Variants in STK25 observed in about 807,000 individuals in gnomAD.
The protein encoded by STK25 is serine/threonine kinase 25.
A neutral mutation model predicts 53.8 loss-of-function variants in STK25; 29 were observed. The observed-to-expected ratio is 0.54, with a 90% CI of 0.40 to 0.74. The LOEUF is 0.74. STK25 is among the 30% of genes least tolerant of loss of function. The pLI is 0.00. For missense variants in STK25, 420 were observed against 568.0 expected (o/e 0.74, Z 2.65); for synonymous variants, 247 against 238.3 (o/e 1.04, Z -0.33).
intron 7 of STK25, 22 bp downstream of exon 7, chr2:241,498,967 C>T: frequency 2.5e-6 from 4 of 1,613,282 alleles, no homozygotes; most frequent in Non-Finnish European, 3.4e-6. Flanking sequence ...CTAGAAGGGA[C>T]CGGGCCAGAG....
At chr2:241,498,445 AC>A in intron 8 of STK25, 96 bp from the exon 9 acceptor site, 1 of 1,314,360 alleles carries the variant, frequency 7.6e-7, no homozygotes, top group Non-Finnish European at 1.0e-6. Context: ...AACCCGAGGT[AC>A]CAGACGGGGC....
In STK25 at chr2:241,508,048, T is replaced by TCAGACCCTCCGCCAGCAGCCC; in HGVS notation, c.-34_-14dup. 6.2e-7 allele frequency: 1 copy of TCAGACCCTCCGCCAGCAGCCC among 1,601,744 alleles called. No individual in the cohort carries two copies. Among genetic ancestry groups the TCAGACCCTCCGCCAGCAGCCC allele is most frequent in the Non-Finnish European group, 8.5e-7 (1 of 1,175,500 alleles). On this transcript the variant is annotated 5_prime_UTR_variant, in exon 2 of 12. Transcript: ENST00000316586. ...GGAGGTGAGCCATGGCCGCGCCGCCTCAGACCCTCCGCCAGCAGCCCCAGG... is the reference window on the plus strand; with the variant it reads ...GGAGGTGAGCCATGGCCGCGCCGCCTCAGACCCTCCGCCAGCAGCCCCAGACCCTCCGCCAGCAGCCCCAGG...
intron 8 of STK25, 130 bp from the exon 9 acceptor site, chr2:241,498,479 C>T: frequency 2.4e-6 from 3 of 1,249,914 alleles, no homozygotes; most frequent in Admixed American, 2.5e-5. Context: ...CGGGGTCCAG[C>T]TGATGCCTCA....
At position 241,496,640 on chromosome 2, in the gene STK25, C is replaced by T; in HGVS notation, c.1105-106G>A. The T allele has an allele frequency of 4.6e-6, 6 of 1,304,480 alleles. No individual in the cohort carries two copies. The South Asian group carries it at 8.6e-5, about 19-fold the overall frequency. 80.8% of individuals were successfully genotyped at this position (1,304,480 alleles called of 1,614,324 possible). On this transcript the variant is annotated intron_variant, in intron 10 of 11. Transcript: ENST00000316586. This position sits in a 1 kb window ranked among gnomAD's most constrained non-coding sequence, Gnocchi z 5.8. ...TGCCGGAGGCCTTCAGGGCTCTCGC[C>T]TAGGAGCCACACCCGGGAGCCCTTC...
Position 241,496,412 on chromosome 2 carries a change from C to T in STK25, c.1227G>A (p.Val409=), listed in dbSNP as rs1298279750. 3.1e-6 allele frequency: 5 copies of T among 1,613,426 alleles called. No homozygotes were observed. The highest frequency in any genetic ancestry group is 2.7e-5 in the African/African-American group (2 of 74,876). Reference sequence around the variant, plus strand: ...GCCGCCCTCACCTCTGCACTCGCTCCACCAGGTGCACCATCAGCTTGTCTG... The same window carrying T: ...GCCGCCCTCACCTCTGCACTCGCTCTACCAGGTGCACCATCAGCTTGTCTG... The part of the protein sequence containing the change: ...GISDKLMVHL[V]ERVQRFSHNR... Residue 409 remains valine, a synonymous_variant, in exon 11 of 12, where the codon GTG becomes GTA. Transcript: ENST00000316586. This position sits in a 1 kb window ranked among gnomAD's most constrained non-coding sequence, Gnocchi z 5.8.
chr2:241,506,381 C>G (rs185956874), intron 2 of STK25, among the ~76,000 whole-genome samples: 2 of 152,252 alleles, frequency 1.3e-5, no homozygotes, highest in Non-Finnish European at 2.9e-5. Flanking sequence ...TGTGTGCGAT[C>G]GCACCAAGAA....
In STK25 at chr2:241,500,229, A is replaced by G; in HGVS notation, c.371T>C (p.Ile124Thr). ...GTGCAGATAATCCAGGCCCTTCAGA[A>G]TCTCCCGCAGGATCGTGGCAATGTA... The part of the protein sequence containing the change: ...ETYIATILRE[I>T]LKGLDYLHSE... Residue 124 changes from isoleucine (I) to threonine (T), a missense_variant, in exon 5 of 12, where the codon ATT becomes ACT. By Grantham distance (89) the Ile-to-Thr change is moderately conservative (BLOSUM62 -1). Transcript: ENST00000316586. 1 of 1,613,896 alleles carries G rather than the reference A, an allele frequency of 6.2e-7. No individual in the cohort carries two copies. The highest frequency in any genetic ancestry group is 8.5e-7 in the Non-Finnish European group (1 of 1,179,976).
At chr2:241,497,343 C>T (rs570607449) in intron 10 of STK25, 16 of 427,908 alleles carry the variant, frequency 3.7e-5, no homozygotes, top group Non-Finnish European at 6.8e-5. Context: ...TAAACCTTCT[C>T]TGCTTTCTCT....
chr2:241,497,521 C>A, intron 10 of STK25, 95 bp downstream of exon 10: 4 of 1,305,524 alleles, frequency 3.1e-6, no homozygotes, highest in Non-Finnish European at 4.4e-6. Context: ...AAGCTGAAAC[C>A]ACCCCACAGT....
At position 241,501,166 on chromosome 2, in the gene STK25, G is replaced by A. The variant is rs2065486347; in HGVS notation, c.261+312C>T. On this transcript the variant is annotated intron_variant, in intron 3 of 11. Coordinates refer to ENST00000316586, the MANE Select transcript of STK25 (RefSeq NM_001271977.2). The surrounding 1 kb of genome is among the most constrained non-coding windows in gnomAD (Gnocchi z 5.3). ...TGGCCACAGCGTTCCCTACACCCCAGACACTGGCACCACCAGCCACCTGCT... is the reference window on the plus strand; with the variant it reads ...TGGCCACAGCGTTCCCTACACCCCAAACACTGGCACCACCAGCCACCTGCT... The A allele has an allele frequency of 1.8e-6, 1 of 549,562 alleles. No homozygotes were observed. The allele number at this position is 549,562 out of a possible 1,614,324, so 34.0% of individuals were successfully genotyped here. A position where few individuals can be genotyped will look rare whatever the true frequency, so the allele number is the denominator to read the frequency against.
rs1345958558 is a variant in STK25, at chr2:241,496,216, T to C, written c.1241+182A>G. On this transcript the variant is annotated intron_variant, in intron 11 of 11. Coordinates refer to ENST00000316586, the MANE Select transcript of STK25 (RefSeq NM_001271977.2). This position sits in a 1 kb window ranked among gnomAD's most constrained non-coding sequence, Gnocchi z 5.8. ...GCCCACTCTCTCCAGCCCCAAAGTC[T>C]CCATGGCCCTGTGAGCTGGGTCCAA... 6.6e-6 allele frequency among the ~76,000 whole-genome samples: 1 copy of C among 151,090 alleles called. No homozygotes were observed. Among genetic ancestry groups the C allele is most frequent in the East Asian group, 2.0e-4 (1 of 5,040 alleles).
chr2:241,499,889 C>G (rs13418703), intron 5 of STK25: 7,324 of 531,894 alleles, frequency 0.014, 393 homozygotes, highest in African/African-American at 0.12. Context: ...AATTCTACAC[C>G]TGCTGCTGTG....
chr2:241,498,471 G>T, intron 8 of STK25, 122 bp from the exon 9 acceptor site: 1 of 1,249,104 alleles, frequency 8.0e-7, no homozygotes, highest in Non-Finnish European at 1.1e-6. Flanking sequence ...CCAGGCCACG[G>T]GGTCCAGCTG....
chr2:241,507,393 A>G (rs2065898920), intron 2 of STK25, among the ~76,000 whole-genome samples: 2 of 152,214 alleles, frequency 1.3e-5, no homozygotes, highest in Non-Finnish European at 2.9e-5. Context: ...CGACTTCTTT[A>G]AAGAAGAAAG....
chr2:241,493,208 G>C lies in STK25; in HGVS notation c.*2454C>G. The stretch of plus-strand genomic sequence containing the variant: ...CCTTGGCCCGTGGGCATTTGTACGT[G>C]CCACCGTTGTGCAGGTAGCAGAGGA... On this transcript the variant is annotated 3_prime_UTR_variant, in exon 12 of 12. Transcript: ENST00000316586. 1 of 1,476,662 alleles carries C rather than the reference G, an allele frequency of 6.8e-7. No homozygotes were observed. Among genetic ancestry groups the C allele is most frequent in the Non-Finnish European group, 9.4e-7 (1 of 1,066,080 alleles). The allele number at this position is 1,476,662 out of a possible 1,614,324, so 91.5% of individuals were successfully genotyped here. A position where few individuals can be genotyped will look rare whatever the true frequency, so the allele number is the denominator to read the frequency against.
Position 241,497,617 on chromosome 2 carries a change from T to C in STK25, c.1103A>G (p.Glu368Gly). The C allele has an allele frequency of 6.2e-7, 1 of 1,613,246 alleles. No homozygotes were observed. The highest frequency in any genetic ancestry group is 8.5e-7 in the Non-Finnish European group (1 of 1,179,904). ...LSTLVRPVFG[E>G]LKEKHKQSGG... ...GCCCAGTCCCAGCCCCATCCTCACC[T>C]CTCCGAAGACGGGCCGGACCAGCGT... The change falls in exon 10 of 12, where the codon GAG becomes GGG. Residue 368 changes from glutamate to glycine, a missense_variant and splice_region_variant. Coordinates refer to ENST00000316586, the MANE Select transcript of STK25 (RefSeq NM_001271977.2).
chr2:241,505,786 G>A (rs1247368093), intron 2 of STK25, among the ~76,000 whole-genome samples: 1 of 152,226 alleles, frequency 6.6e-6, no homozygotes, highest in East Asian at 1.9e-4. Context: ...CGCAGGCCAA[G>A]CCAAGGCAAG....
rs781629975 is a variant in STK25 at position 241,498,320 on chromosome 2, C to T, written c.947G>A (p.Gly316Asp). 2 of 1,603,428 alleles carry T rather than the reference C, an allele frequency of 1.2e-6. No homozygotes were observed. The highest frequency in any genetic ancestry group is 1.7e-6 in the Non-Finnish European group (2 of 1,172,724). ...IDGEAEDGEQ[G>D]PIWTFPPTIR... ...GGTAGGGGGGAACGTCCAGATGGGG[C>T]CCTGCTCCCCGTCCTCCGCCTCGCC... Residue 316 changes from glycine to aspartate, a missense_variant, in exon 9 of 12, where the codon GGC becomes GAC. Physicochemically the swap from Gly to Asp is moderately conservative, Grantham distance 94. Coordinates refer to ENST00000316586, the MANE Select transcript of STK25 (RefSeq NM_001271977.2).
chr2:241,504,168 G>C (rs930414183), intron 2 of STK25: 1 of 468,752 alleles, frequency 2.1e-6, no homozygotes, highest in Non-Finnish European at 4.4e-6. Context: ...GGCTTGTCAA[G>C]GCCCGGGGGT....
Sources: gnomAD v4.1 joint callset for allele counts (sites outside exome capture counted in the v4.1 genomes callset) on GRCh38, gnomAD v4.1.1 for gene constraint, Gnocchi (gnomAD v3.1) non-coding constraint, MANE v1.5 for transcripts, NCBI Gene and HGNC (gene_info 2026-07-23, HGNC 2026-07-21) for gene names.